Variants in ATP13A3 observed in about 807,000 individuals in gnomAD.
ATP13A3 encodes the protein ATPase 13A3, also known as polyamine-transporting ATPase 13A3.
ATP13A3 carries 59 observed loss-of-function variants against 158.1 expected under a neutral mutation model. The observed-to-expected ratio is 0.37, with a 90% CI of 0.30 to 0.46. ATP13A3 has a LOEUF of 0.46. Ranked by LOEUF, ATP13A3 falls within the 20% of genes least tolerant of loss-of-function variation. ATP13A3 has a pLI of 1.00. For missense variants in ATP13A3, 1,166 were observed against 1,525.2 expected (o/e 0.76, Z 3.92); for synonymous variants, 491 against 504.3 (o/e 0.97, Z 0.35).
intron 33 of ATP13A3, among the ~76,000 whole-genome samples, chr3:194,410,296 CAAAAAAAAAAAA>C (rs772008929): frequency 3.3e-3 from 71 of 21,816 alleles, no homozygotes; most frequent in Admixed American, 0.011. Flanking sequence ...CTCCTCTCTG[CAAAAAAAAAAAA>C]AAAAAAAAAA....
intron 10 of ATP13A3, chr3:194,451,786 C>G (rs564685793): frequency 6.6e-6 from 1 of 152,626 alleles, no homozygotes; most frequent in Non-Finnish European, 1.5e-5. Context: ...TTCTTGCAAG[C>G]CTGCTTCTCT....
intron 2 of ATP13A3, among the ~76,000 whole-genome samples, chr3:194,479,684 T>C (rs936909387): frequency 6.6e-6 from 1 of 152,060 alleles, no homozygotes; most frequent in African/African-American, 2.4e-5. Context: ...TGAAATATAA[T>C]TCAAAGTCTT....
chr3:194,483,850 T>C (rs1159843855), intron 2 of ATP13A3, among the ~76,000 whole-genome samples: 1 of 152,220 alleles, frequency 6.6e-6, no homozygotes, highest in Admixed American at 6.5e-5. Flanking sequence ...AAAAAATGTT[T>C]TTAAAACTTT....
chr3:194,466,834 T>C (rs993464952), intron 2 of ATP13A3, among the ~76,000 whole-genome samples: 1 of 152,032 alleles, frequency 6.6e-6, no homozygotes, highest in African/African-American at 2.4e-5. Context: ...AAAATAAAAA[T>C]AAAAAATTTA....
At chr3:194,446,406 T>C (rs1245196061) in intron 14 of ATP13A3, among the ~76,000 whole-genome samples, 1 of 152,146 alleles carries the variant, frequency 6.6e-6, no homozygotes, top group African/African-American at 2.4e-5. Context: ...TGCGCGAGTG[T>C]GAGTACACCC....
intron 28 of ATP13A3, among the ~76,000 whole-genome samples, chr3:194,427,642 TAA>T (rs1226362518): frequency 9.2e-4 from 66 of 71,806 alleles, no homozygotes; most frequent in African/African-American, 5.0e-3. Flanking sequence ...CTACAATAAA[TAA>T]ATAAATAAAT....
At chr3:194,460,053 A>G in intron 4 of ATP13A3, 82 bp from the exon 5 acceptor site, 1 of 1,165,036 alleles carries the variant, frequency 8.6e-7, no homozygotes, top group South Asian at 1.6e-5. Flanking sequence ...CATTCTTTAC[A>G]AGACATTATT....
upstream of ATP13A3, chr3:194,488,479 G>A (rs1721088943): frequency 6.5e-6 from 1 of 152,760 alleles, no homozygotes; most frequent in African/African-American, 2.4e-5. This position sits in a 1 kb window ranked among gnomAD's most constrained non-coding sequence, Gnocchi z 4.1. Context: ...GGTCTTCCCT[G>A]GCTGCCTCTG....
chr3:194,465,397 G>A (rs999564091), intron 2 of ATP13A3, among the ~76,000 whole-genome samples: 3 of 152,094 alleles, frequency 2.0e-5, no homozygotes, highest in African/African-American at 7.2e-5. Context: ...CTTCAGCTGC[G>A]TACCGCTCAG....
In ATP13A3 at chr3:194,447,953, C is replaced by T; in HGVS notation, c.1207G>A (p.Asp403Asn). 6.2e-7 allele frequency: 1 copy of T among 1,611,388 alleles called. No individual in the cohort carries two copies. Among genetic ancestry groups the T allele is most frequent in the Non-Finnish European group, 8.5e-7 (1 of 1,177,660 alleles). ...VRSILYPKPT[D>N]FKLYRDAYLF... ...TAGGCATCTCTGTAGAGTTTAAAAT[C>T]AGTTGGTTTGGGATACAATATGGAA... Residue 403 changes from aspartate (D) to asparagine (N), a missense_variant, in exon 13 of 34, where the codon GAT (aspartate) becomes AAT (asparagine). Asp to Asn is a conservative substitution (Grantham distance 23). Around this residue, in one of 3 missense-constraint regions of ATP13A3, gnomAD observed 997 missense variants for 1,341.2 expected, o/e 0.74. Transcript: ENST00000645319.
At chr3:194,433,191 A>C (rs1717355317) in intron 21 of ATP13A3, among the ~76,000 whole-genome samples, 1 of 148,182 alleles carries the variant, frequency 6.7e-6, no homozygotes, top group South Asian at 2.2e-4. Context: ...AGAAAACAAA[A>C]AGGAGTCAAG....
intron 15 of ATP13A3, 36 bp from the exon 16 acceptor site, chr3:194,441,497 T>C: frequency 6.3e-7 from 1 of 1,577,506 alleles, no homozygotes; most frequent in Non-Finnish European, 8.7e-7. Flanking sequence ...TTTCATAAAT[T>C]CTAAGATTCA....
chr3:194,472,462 T>C (rs1418286234), intron 2 of ATP13A3, among the ~76,000 whole-genome samples: 1 of 152,106 alleles, frequency 6.6e-6, no homozygotes, highest in Admixed American at 6.6e-5. Flanking sequence ...TATGGCCTGC[T>C]GGTACACTCT....
At chr3:194,453,627 T>G (rs1718981420) in intron 10 of ATP13A3, 79 bp downstream of exon 10, 1 of 1,081,744 alleles carries the variant, frequency 9.2e-7, no homozygotes, top group Non-Finnish European at 1.4e-6. Context: ...TGTATATGTA[T>G]TATACTTTGG....
intron 2 of ATP13A3, among the ~76,000 whole-genome samples, chr3:194,482,890 A>G (rs1174712018): frequency 2.0e-5 from 3 of 152,082 alleles, no homozygotes; most frequent in African/African-American, 7.2e-5. Flanking sequence ...GGCGGATCAC[A>G]AGGTCAGGAG....
intron 28 of ATP13A3, 77 bp downstream of exon 28, chr3:194,428,768 G>A: frequency 9.6e-7 from 1 of 1,039,944 alleles, no homozygotes; most frequent in Non-Finnish European, 1.4e-6. Flanking sequence ...AATTGTTGAT[G>A]TAAATTTACA....
At position 194,417,954 on chromosome 3, in the gene ATP13A3, CGGACGGAA is replaced by C. The variant is rs761856717; in HGVS notation, c.3402+1917_3402+1924del. 2.5e-3 allele frequency among the ~76,000 whole-genome samples: 191 copies of C among 77,938 alleles called. 1 individual carries two copies. Among genetic ancestry groups the C allele is most frequent in the African/African-American group, 9.1e-3 (131 of 14,392 alleles). The allele number at this position is 77,938 out of a possible 152,430, so 51.1% of individuals were successfully genotyped here. On this transcript the variant is annotated intron_variant, in intron 31 of 33. Coordinates refer to ENST00000645319, the MANE Select transcript of ATP13A3 (RefSeq NM_001367549.1). Reference sequence around the variant, plus strand: ...GCAGCGTGGGTGACAGACAGACGGACGGACGGAAGGAAGGAAGGAAGGAAGGAAGGAAG... The same window carrying C: ...GCAGCGTGGGTGACAGACAGACGGACGGAAGGAAGGAAGGAAGGAAGGAAG...
In ATP13A3 at chr3:194,404,779, A is replaced by G. The variant is rs988435126; in HGVS notation, c.*1140T>C. ...TTTCTCCCAGAAATTTCCGCATCAA[A>G]TATGCTCATTTGTAACGATCCAATT... On this transcript the variant is annotated 3_prime_UTR_variant, in exon 34 of 34. Coordinates refer to ENST00000645319, the MANE Select transcript of ATP13A3 (RefSeq NM_001367549.1). The G allele has an allele frequency of 6.6e-6, 1 of 152,210 alleles. No individual in the cohort carries two copies. Among genetic ancestry groups the G allele is most frequent in the Admixed American group, 6.5e-5 (1 of 15,282 alleles). The allele number at this position is 152,210 out of a possible 1,614,324, so 9.4% of individuals were successfully genotyped here. A position where few individuals can be genotyped will look rare whatever the true frequency, so the allele number is the denominator to read the frequency against.
chr3:194,424,594 AAAGAAT>A (rs1240309003), intron 30 of ATP13A3, among the ~76,000 whole-genome samples: 153 of 152,354 alleles, frequency 1.0e-3, no homozygotes, highest in African/African-American at 3.5e-3. Context: ...AACTACAGCA[AAAGAAT>A]AATTGCTATT....
Sources: gnomAD v4.1 joint callset for allele counts (sites outside exome capture counted in the v4.1 genomes callset) on GRCh38, gnomAD v4.1.1 for gene constraint, gnomAD v4.1.1 regional missense constraint, Gnocchi (gnomAD v3.1) non-coding constraint, MANE v1.5 for transcripts, NCBI Gene and HGNC (gene_info 2026-07-23, HGNC 2026-07-21) for gene names.